C4orf33: variants seen among roughly 807,000 people sequenced by gnomAD.
C4orf33 encodes the protein UPF0462 protein C4orf33.
In C4orf33, 20 loss-of-function variants were observed where a neutral mutation model predicts 24.3. The ratio of observed to expected loss-of-function variants is 0.82; its 90% CI spans 0.58 to 1.19. The LOEUF (loss-of-function observed/expected upper bound fraction) is 1.19. C4orf33 is among the 50% of genes most tolerant of loss of function. C4orf33 has a pLI of 0.00. For synonymous variants in C4orf33, 67 were observed against 76.4 expected (o/e 0.88, Z 0.64); for missense variants, 207 against 225.9 (o/e 0.92, Z 0.54).
intron 3 of C4orf33, 108 bp from the exon 4 acceptor site, chr4:129,109,199 A>G: frequency 8.5e-7 from 1 of 1,176,926 alleles, no homozygotes; most frequent in Admixed American, 1.8e-5. Context: ...GCATCTTTTA[A>G]TTATTTGGAA....
Position 129,114,263 on chromosome 4 carries a change from G to A in C4orf33, c.*2472G>A, listed in dbSNP as rs1185406081. ...TGAAGGGACTAAAACACCCCATGGG[G>A]CACCTCTTGACCAAAGAGGGTGGGA... On this transcript the variant is annotated 3_prime_UTR_variant, in exon 6 of 6. Transcript: ENST00000425929. 6.6e-6 allele frequency: 1 copy of A among 152,160 alleles called. No homozygotes were observed. Among genetic ancestry groups the A allele is most frequent in the Non-Finnish European group, 1.5e-5 (1 of 68,028 alleles). The allele number at this position is 152,160 out of a possible 1,614,324, so 9.4% of individuals were successfully genotyped here.
rs1395749549 is a variant in C4orf33 at position 129,115,861 on chromosome 4, T to G, written c.*4070T>G. On this transcript the variant is annotated 3_prime_UTR_variant, in exon 6 of 6. Coordinates refer to ENST00000425929, the MANE Select transcript of C4orf33 (RefSeq NM_001099783.2). ...TATATGTTTATATATAACATATATA[T>G]ATAGAGAGAGAGCATAAAATGTGCT... 6.8e-6 allele frequency: 1 copy of G among 146,474 alleles called. No individual in the cohort carries two copies. Among genetic ancestry groups the G allele is most frequent in the South Asian group, 2.1e-4 (1 of 4,704 alleles). The allele number at this position is 146,474 out of a possible 1,614,324, so 9.1% of individuals were successfully genotyped here.
intron 3 of C4orf33, among the ~76,000 whole-genome samples, chr4:129,107,266 T>C (rs1277513987): frequency 2.0e-5 from 3 of 152,032 alleles, no homozygotes; most frequent in Non-Finnish European, 2.9e-5. Flanking sequence ...ACTCTCTTTG[T>C]TCAGGTTTAA....
rs149954261 is a variant in C4orf33 at position 129,106,027 on chromosome 4, C to T, written c.182-560C>T. ...CTTATCGAATATCATGGATATCTTCCTATATCAACAAATATTTAATGGTAT... is the reference window on the plus strand; with the variant it reads ...CTTATCGAATATCATGGATATCTTCTTATATCAACAAATATTTAATGGTAT... On this transcript the variant is annotated intron_variant, in intron 2 of 5. Transcript: ENST00000425929. Among the ~76,000 whole-genome samples, 710 of 152,142 alleles carry T rather than the reference C, an allele frequency of 4.7e-3. 36 individuals carry two copies. The highest frequency in any genetic ancestry group is 0.042 in the Admixed American group (642 of 15,288).
chr4:129,100,479 G>C (rs1413260605), intron 1 of C4orf33, among the ~76,000 whole-genome samples: 1 of 152,140 alleles, frequency 6.6e-6, no homozygotes, highest in African/African-American at 2.4e-5. Context: ...CTCTGACCAT[G>C]AGACCCACCA....
chr4:129,099,911 A>T (rs1753304213), intron 1 of C4orf33, among the ~76,000 whole-genome samples: 1 of 152,162 alleles, frequency 6.6e-6, no homozygotes, highest in South Asian at 2.1e-4. Flanking sequence ...AGTGTTCTTT[A>T]AGCGATATAA....
chr4:129,107,028 G>T (rs1324457254), intron 3 of C4orf33, among the ~76,000 whole-genome samples: 1 of 151,702 alleles, frequency 6.6e-6, no homozygotes, highest in Admixed American at 6.6e-5. Flanking sequence ...GAGAGATATG[G>T]GTATAATTAA....
At position 129,115,244 on chromosome 4, in the gene C4orf33, A is replaced by G. The variant is rs1753754978; in HGVS notation, c.*3453A>G. 6.6e-6 allele frequency: 1 copy of G among 152,174 alleles called. No homozygotes were observed. The highest frequency in any genetic ancestry group is 2.1e-4 in the South Asian group (1 of 4,830). The allele number at this position is 152,174 out of a possible 1,614,324, so 9.4% of individuals were successfully genotyped here. On this transcript the variant is annotated 3_prime_UTR_variant, in exon 6 of 6. Transcript: ENST00000425929. The stretch of plus-strand genomic sequence containing the variant: ...GAATGTGTGTGGCTCTGAGTGCTGC[A>G]AGGAGTGGACTGTATTTAATATCTC...
intron 4 of C4orf33, 40 bp from the exon 5 acceptor site, chr4:129,109,433 C>T (rs759642263): frequency 1.9e-6 from 3 of 1,601,328 alleles, no homozygotes; most frequent in Non-Finnish European, 1.7e-6. Context: ...AAAGTGTAAG[C>T]CCAATTTTAT....
chr4:129,109,836 A>C, intron 5 of C4orf33, 164 bp downstream of exon 5: 2 of 930,724 alleles, frequency 2.1e-6, no homozygotes, highest in Non-Finnish European at 3.1e-6. Flanking sequence ...ATACTTGGAA[A>C]ACTTTGGACT....
chr4:129,104,300 A>G (rs1377620331), intron 2 of C4orf33, among the ~76,000 whole-genome samples: 2 of 152,126 alleles, frequency 1.3e-5, no homozygotes, highest in African/African-American at 4.8e-5. Flanking sequence ...GGCTTTCATC[A>G]TCTTTTACCT....
At chr4:129,102,580 GT>G in intron 1 of C4orf33, 21 bp from the exon 2 acceptor site, 6 of 1,510,556 alleles carry the variant, frequency 4.0e-6, no homozygotes, top group Non-Finnish European at 5.4e-6. Context: ...TAAAGAGTTT[GT>G]TTTAACATAT....
At chr4:129,109,732 T>G in intron 5 of C4orf33, 60 bp downstream of exon 5, 1 of 1,366,098 alleles carries the variant, frequency 7.3e-7, no homozygotes, top group Non-Finnish European at 1.0e-6. Flanking sequence ...AAATTAATTC[T>G]TAGTGGAGCA....
chr4:129,104,588 A>C (rs1487965995), intron 2 of C4orf33, among the ~76,000 whole-genome samples: 1 of 152,140 alleles, frequency 6.6e-6, no homozygotes, highest in African/African-American at 2.4e-5. Context: ...TAGTTCTTTA[A>C]ATAAGCTACA....
intron 3 of C4orf33, among the ~76,000 whole-genome samples, chr4:129,109,043 T>C (rs981096000): frequency 2.6e-5 from 4 of 152,172 alleles, no homozygotes; most frequent in African/African-American, 7.2e-5. Context: ...CACGCCACCA[T>C]GCCTGGCTAA....
At chr4:129,103,013 CAG>C in intron 2 of C4orf33, 8 of 350,198 alleles carry the variant, frequency 2.3e-5, no homozygotes, top group Non-Finnish European at 2.5e-5. Flanking sequence ...ATTACAAATC[CAG>C]ATTTTTTTTT....
rs571518368 is a variant in C4orf33, at chr4:129,116,061, T to C, written c.*4270T>C. 2 of 151,858 alleles carry C rather than the reference T, an allele frequency of 1.3e-5. No homozygotes were observed. Among genetic ancestry groups the C allele is most frequent in the South Asian group, 4.2e-4 (2 of 4,818 alleles). The allele number at this position is 151,858 out of a possible 1,614,324, so 9.4% of individuals were successfully genotyped here. On this transcript the variant is annotated 3_prime_UTR_variant, in exon 6 of 6. Transcript: ENST00000425929. Reference sequence around the variant, plus strand: ...GGAAGGAATAGTAAAAAGAGTTACCTCTGAAGCTAAGATGACACATGTATG... The same window carrying C: ...GGAAGGAATAGTAAAAAGAGTTACCCCTGAAGCTAAGATGACACATGTATG...
intron 3 of C4orf33, among the ~76,000 whole-genome samples, 167 bp from the exon 4 acceptor site, chr4:129,109,140 T>C (rs1329392984): frequency 6.6e-6 from 1 of 152,184 alleles, no homozygotes; most frequent in Non-Finnish European, 1.5e-5. Flanking sequence ...CCACCCGCCT[T>C]GGCCTCCCAA....
intron 2 of C4orf33, among the ~76,000 whole-genome samples, chr4:129,105,072 G>T (rs758849827): frequency 6.6e-6 from 1 of 151,936 alleles, no homozygotes; most frequent in Non-Finnish European, 1.5e-5. Context: ...TATATATATG[G>T]AGAGAAAGAG....
Sources: allele counts gnomAD v4.1 joint callset (sites outside exome capture counted in the v4.1 genomes callset), GRCh38; gene constraint gnomAD v4.1.1; transcripts MANE v1.5; gene names NCBI Gene and HGNC (gene_info 2026-07-23, HGNC 2026-07-21).